Variants in IFNA8 observed in about 807,000 individuals in gnomAD.
IFNA8 encodes interferon alpha-8.
For synonymous variants in IFNA8, 91 were observed against 84.4 expected (o/e 1.08, Z -0.43); for missense variants, 246 against 212.3 (o/e 1.16, Z -0.99).
At position 21,409,371 on chromosome 9, in the gene IFNA8, G is replaced by T. The variant is rs1318575210; in HGVS notation, c.195G>T (p.Glu65Asp). Residue 65 changes from glutamate (E) to aspartate (D), a missense_variant, in exon 1 of 1, where the codon GAG becomes GAT. Glu to Asp is a conservative substitution (Grantham distance 45, BLOSUM62 2). Transcript: ENST00000380205. ...DRHDFEFPQE[E>D]FDDKQFQKAQ... ...ATGACTTTGAATTCCCCCAGGAGGA[G>T]TTTGATGATAAACAGTTCCAGAAGG... is the stretch of plus-strand genomic sequence containing the variant. 1 of 1,613,960 alleles carries T rather than the reference G, an allele frequency of 6.2e-7. No homozygotes were observed. Among genetic ancestry groups the T allele is most frequent in the Admixed American group, 1.7e-5 (1 of 59,996 alleles).
rs1818015292 is a variant in IFNA8, at chr9:21,409,489, C to A, written c.313C>A (p.Leu105Ile). ...ATCTGCTGCTTTGGATGAGACCCTTCTAGATGAATTCTACATCGAACTTGA... is the reference window on the plus strand; with the variant it reads ...ATCTGCTGCTTTGGATGAGACCCTTATAGATGAATTCTACATCGAACTTGA... ...DSSAALDETL[L>I]DEFYIELDQQ... is the part of the protein sequence containing the mutation. Residue 105 changes from leucine to isoleucine, a missense_variant, in exon 1 of 1, where the codon CTA (leucine) becomes ATA (isoleucine). Transcript: ENST00000380205. 1 of 1,614,092 alleles carries A rather than the reference C, an allele frequency of 6.2e-7. No homozygotes were observed. Among genetic ancestry groups the A allele is most frequent in the South Asian group, 1.1e-5 (1 of 91,080 alleles).
chr9:21,409,443 C>T lies in IFNA8; in HGVS notation c.267C>T (p.Asn89=), dbSNP rs1252845177. The T allele has an allele frequency of 1.2e-6, 2 of 1,614,122 alleles. No homozygotes were observed. Among genetic ancestry groups the T allele is most frequent in the South Asian group, 2.2e-5 (2 of 91,086 alleles). The change falls in exon 1 of 1, where the codon AAC becomes AAT. Residue 89 remains asparagine (N), a synonymous_variant. Coordinates refer to ENST00000380205, the MANE Select transcript of IFNA8 (RefSeq NM_002170.4). ...ATGAGATGATCCAGCAGACCTTCAA[C>T]CTCTTCAGCACAAAGGACTCATCTG... is the stretch of plus-strand genomic sequence containing the variant. ...VLHEMIQQTF[N]LFSTKDSSAA...
chr9:21,409,484 C>A lies in IFNA8; in HGVS notation c.308C>A (p.Thr103Asn), dbSNP rs1294843576. 2.5e-6 allele frequency: 4 copies of A among 1,614,040 alleles called. No individual in the cohort carries two copies. Among genetic ancestry groups the A allele is most frequent in the Non-Finnish European group, 3.4e-6 (4 of 1,179,974 alleles). ...TKDSSAALDETLLDEFYIELD... is the reference protein window; with the variant it reads ...TKDSSAALDENLLDEFYIELD... ...GACTCATCTGCTGCTTTGGATGAGACCCTTCTAGATGAATTCTACATCGAA... is the reference window on the plus strand; with the variant it reads ...GACTCATCTGCTGCTTTGGATGAGAACCTTCTAGATGAATTCTACATCGAA... The change falls in exon 1 of 1, where the codon ACC becomes AAC. Residue 103 changes from threonine to asparagine, a missense_variant. Thr to Asn is a moderately conservative substitution (Grantham distance 65). Transcript: ENST00000380205.
rs1818022195 is a variant in IFNA8 at position 21,409,856 on chromosome 9, T to G, written c.*110T>G. 3.0e-6 allele frequency: 3 copies of G among 990,166 alleles called. No individual in the cohort carries two copies. Among genetic ancestry groups the G allele is most frequent in the East Asian group, 4.9e-5 (2 of 40,558 alleles). The allele number at this position is 990,166 out of a possible 1,614,324, so 61.3% of individuals were successfully genotyped here. A position where few individuals can be genotyped will look rare whatever the true frequency, so the allele number is the denominator to read the frequency against. Reference sequence around the variant, plus strand: ...TTTCTGCCAAAACCATGCTATGAATTGAATCAAATGTGTCAAGTGTTTTCA... The same window carrying G: ...TTTCTGCCAAAACCATGCTATGAATGGAATCAAATGTGTCAAGTGTTTTCA... On this transcript the variant is annotated 3_prime_UTR_variant, in exon 1 of 1. Transcript: ENST00000380205.
In IFNA8 at chr9:21,410,018, T is replaced by C; in HGVS notation, c.*272T>C. ...ATAGGGCTTAAATTAGTTTTGTTCA[T>C]ATTATATTATGTGAACTTTTACATT... On this transcript the variant is annotated 3_prime_UTR_variant, in exon 1 of 1. Coordinates refer to ENST00000380205, the MANE Select transcript of IFNA8 (RefSeq NM_002170.4). The C allele has an allele frequency of 4.0e-6, 1 of 252,244 alleles. No homozygotes were observed. The highest frequency in any genetic ancestry group is 8.2e-6 in the Non-Finnish European group (1 of 122,252). 15.6% of individuals were successfully genotyped at this position (252,244 alleles called of 1,614,324 possible).
At position 21,409,352 on chromosome 9, in the gene IFNA8, T is replaced by C; in HGVS notation, c.176T>C (p.Phe59Ser). The part of the protein sequence containing the change: ...PFSCLKDRHD[F>S]EFPQEEFDDK... ...TCCTGCCTGAAGGACAGACATGACTTTGAATTCCCCCAGGAGGAGTTTGAT... is the reference window on the plus strand; with the variant it reads ...TCCTGCCTGAAGGACAGACATGACTCTGAATTCCCCCAGGAGGAGTTTGAT... Residue 59 changes from phenylalanine (F) to serine (S), a missense_variant, in exon 1 of 1, where the codon TTT (phenylalanine) becomes TCT (serine). Physicochemically the swap from Phe to Ser is radical, Grantham distance 155. Coordinates refer to ENST00000380205, the MANE Select transcript of IFNA8 (RefSeq NM_002170.4). 6.2e-7 allele frequency: 1 copy of C among 1,614,022 alleles called. No individual in the cohort carries two copies. The highest frequency in any genetic ancestry group is 8.5e-7 in the Non-Finnish European group (1 of 1,179,968).
In IFNA8 at chr9:21,409,333, C is replaced by T. The variant is rs1818012124; in HGVS notation, c.157C>T (p.Leu53=). The part of the protein sequence containing the change: ...QMRRISPFSC[L]KDRHDFEFPQ... The stretch of plus-strand genomic sequence containing the variant: ...GCGAAGAATCTCTCCTTTCTCCTGC[C>T]TGAAGGACAGACATGACTTTGAATT... Residue 53 remains leucine (L), a synonymous_variant, in exon 1 of 1, where the codon CTG becomes TTG. Transcript: ENST00000380205. 1.2e-6 allele frequency: 2 copies of T among 1,614,076 alleles called. No individual in the cohort carries two copies. The highest frequency in any genetic ancestry group is 1.7e-6 in the Non-Finnish European group (2 of 1,179,974).
chr9:21,409,639 A>G lies in IFNA8; in HGVS notation c.463A>G (p.Thr155Ala), dbSNP rs552283876. ...KYFQRITLYL[T>A]EKKYSSCAWE... ...CTTCCAAAGAATCACTCTATATCTG[A>G]CAGAGAAGAAATACAGCTCTTGTGC... The change falls in exon 1 of 1, where the codon ACA becomes GCA. Residue 155 changes from threonine (T) to alanine (A), a missense_variant. Thr to Ala is a moderately conservative substitution (Grantham distance 58). Transcript: ENST00000380205. The G allele has an allele frequency of 5.6e-6, 9 of 1,613,948 alleles. No individual in the cohort carries two copies. The South Asian group carries it at 9.9e-5, about 18-fold the overall frequency.
Position 21,409,627 on chromosome 9 carries a change from A to G in IFNA8, c.451A>G (p.Thr151Ala), listed in dbSNP as rs1417066016. Residue 151 changes from threonine (T) to alanine (A), a missense_variant, in exon 1 of 1, where the codon ACT (threonine) becomes GCT (alanine). Physicochemically the swap from Thr to Ala is moderately conservative, Grantham distance 58. Coordinates refer to ENST00000380205, the MANE Select transcript of IFNA8 (RefSeq NM_002170.4). ...TGTGAGGAAATACTTCCAAAGAATC[A>G]CTCTATATCTGACAGAGAAGAAATA... is the stretch of plus-strand genomic sequence containing the variant. ...LAVRKYFQRI[T>A]LYLTEKKYSS... 6.2e-7 allele frequency: 1 copy of G among 1,613,672 alleles called. No homozygotes were observed. Among genetic ancestry groups the G allele is most frequent in the Non-Finnish European group, 8.5e-7 (1 of 1,179,832 alleles).
At chr9:21,409,456 A>T in the IFNA8 span, 7 of 1,614,018 alleles carry the variant, frequency 4.3e-6, no homozygotes, top group Admixed American at 1.2e-4. Flanking sequence ...CTTCAGCACA[A>T]AGGACTCATC....
At chr9:21,409,726 A>T in the IFNA8 span, 13 of 1,613,522 alleles carry the variant, frequency 8.1e-6, no homozygotes, top group Middle Eastern at 1.6e-4. Flanking sequence ...CTTGCAAAAA[A>T]GATTGAAGAG....
Position 21,409,262 on chromosome 9 carries a change from C to T in IFNA8, c.86C>T (p.Thr29Ile), listed in dbSNP as rs1163880968. Residue 29 changes from threonine to isoleucine, a missense_variant, in exon 1 of 1, where the codon ACT (threonine) becomes ATT (isoleucine). Transcript: ENST00000380205. ...FSSLGCDLPQ[T>I]HSLGNRRALI... is the part of the protein sequence containing the mutation. Reference sequence around the variant, plus strand: ...TCTCTGGGCTGTGATCTGCCTCAGACTCACAGCCTGGGTAACAGGAGGGCC... The same window carrying T: ...TCTCTGGGCTGTGATCTGCCTCAGATTCACAGCCTGGGTAACAGGAGGGCC... 5 of 1,614,018 alleles carry T rather than the reference C, an allele frequency of 3.1e-6. No homozygotes were observed. The highest frequency in any genetic ancestry group is 1.1e-5 in the South Asian group (1 of 91,082).
In IFNA8 at chr9:21,409,466, C is replaced by T. The variant is rs762956897; in HGVS notation, c.290C>T (p.Ser97Phe). 1 of 1,614,114 alleles carries T rather than the reference C, an allele frequency of 6.2e-7. No individual in the cohort carries two copies. The change falls in exon 1 of 1, where the codon TCT becomes TTT. Residue 97 changes from serine (S) to phenylalanine (F), a missense_variant. Ser to Phe is a radical substitution (Grantham distance 155). Transcript: ENST00000380205. Reference protein sequence around the residue: ...TFNLFSTKDSSAALDETLLDE... With the variant: ...TFNLFSTKDSFAALDETLLDE... ...AACCTCTTCAGCACAAAGGACTCAT[C>T]TGCTGCTTTGGATGAGACCCTTCTA...
Position 21,409,945 on chromosome 9 carries a change from A to T in IFNA8, c.*199A>T. On this transcript the variant is annotated 3_prime_UTR_variant, in exon 1 of 1. Coordinates refer to ENST00000380205, the MANE Select transcript of IFNA8 (RefSeq NM_002170.4). ...TAGTCCCTTACAGATGACCATGCTG[A>T]TGGATCTATTCATCTATTTATTTAA... 2 of 503,952 alleles carry T rather than the reference A, an allele frequency of 4.0e-6. No homozygotes were observed. The highest frequency in any genetic ancestry group is 7.3e-6 in the Non-Finnish European group (2 of 272,580). The allele number at this position is 503,952 out of a possible 1,614,324, so 31.2% of individuals were successfully genotyped here. A position where few individuals can be genotyped will look rare whatever the true frequency, so the allele number is the denominator to read the frequency against.
At position 21,410,032 on chromosome 9, in the gene IFNA8, A is replaced by T. The variant is rs1055233439; in HGVS notation, c.*286A>T. On this transcript the variant is annotated 3_prime_UTR_variant, in exon 1 of 1. Coordinates refer to ENST00000380205, the MANE Select transcript of IFNA8 (RefSeq NM_002170.4). ...AGTTTTGTTCATATTATATTATGTG[A>T]ACTTTTACATTGTGAATTGTGTAAC... is the stretch of plus-strand genomic sequence containing the variant. 1 of 219,570 alleles carries T rather than the reference A, an allele frequency of 4.6e-6. No homozygotes were observed. Among genetic ancestry groups the T allele is most frequent in the African/African-American group, 2.4e-5 (1 of 42,380 alleles). 13.6% of individuals were successfully genotyped at this position (219,570 alleles called of 1,614,324 possible).
At position 21,409,899 on chromosome 9, in the gene IFNA8, C is replaced by T; in HGVS notation, c.*153C>T. ...TGTTTTCAGGAGTGTTAAGCAACAT[C>T]CTGTTCAGCTGTATGGGCACTAGTC... On this transcript the variant is annotated 3_prime_UTR_variant, in exon 1 of 1. Transcript: ENST00000380205. 1.5e-6 allele frequency: 1 copy of T among 667,178 alleles called. No individual in the cohort carries two copies. Among genetic ancestry groups the T allele is most frequent in the Non-Finnish European group, 2.6e-6 (1 of 388,540 alleles). The allele number at this position is 667,178 out of a possible 1,614,324, so 41.3% of individuals were successfully genotyped here. A position where few individuals can be genotyped will look rare whatever the true frequency, so the allele number is the denominator to read the frequency against.
rs764347001 is a variant in IFNA8 at position 21,409,724 on chromosome 9, A to G, written c.548A>G (p.Lys183Arg). The G allele has an allele frequency of 6.2e-6, 10 of 1,613,700 alleles. No homozygotes were observed. In the South Asian group the frequency reaches 1.1e-4, roughly 18 times the overall value. The change falls in exon 1 of 1, where the codon AAA becomes AGA. Residue 183 changes from lysine to arginine, a missense_variant. Coordinates refer to ENST00000380205, the MANE Select transcript of IFNA8 (RefSeq NM_002170.4). ...TTCTCTTTATCAATCAACTTGCAAA[A>G]AAGATTGAAGAGTAAGGAATGAGAC... is the stretch of plus-strand genomic sequence containing the variant. Reference protein sequence around the residue: ...RSFSLSINLQKRLKSKE With the variant: ...RSFSLSINLQRRLKSKE
chr9:21,409,461 C>T lies in IFNA8; in HGVS notation c.285C>T (p.Asp95=), dbSNP rs370545982. 1.2e-5 allele frequency: 19 copies of T among 1,614,118 alleles called. No individual in the cohort carries two copies. In the South Asian group the frequency reaches 1.3e-4, roughly 11 times the overall value. The change falls in exon 1 of 1, where the codon GAC becomes GAT. Residue 95 remains aspartate (D), a synonymous_variant. Transcript: ENST00000380205. ...QQTFNLFSTK[D]SSAALDETLL... is the part of the protein sequence containing the mutation. ...CCTTCAACCTCTTCAGCACAAAGGA[C>T]TCATCTGCTGCTTTGGATGAGACCC...
chr9:21,409,266 C>G lies in IFNA8; in HGVS notation c.90C>G (p.His30Gln). 6.2e-7 allele frequency: 1 copy of G among 1,614,068 alleles called. No homozygotes were observed. The highest frequency in any genetic ancestry group is 8.5e-7 in the Non-Finnish European group (1 of 1,179,944). ...TGGGCTGTGATCTGCCTCAGACTCA[C>G]AGCCTGGGTAACAGGAGGGCCTTGA... ...SSLGCDLPQT[H>Q]SLGNRRALIL... Residue 30 changes from histidine (H) to glutamine (Q), a missense_variant, in exon 1 of 1, where the codon CAC (histidine) becomes CAG (glutamine). Transcript: ENST00000380205.
Sources: gnomAD v4.1 joint callset for allele counts on GRCh38, gnomAD v4.1.1 for gene constraint, MANE v1.5 for transcripts, NCBI Gene and HGNC (gene_info 2026-07-23, HGNC 2026-07-21) for gene names.